The following MFHAS1 variants were observed in gnomAD, a reference collection of about 807,000 sequenced individuals.
MFHAS1 encodes malignant fibrous histiocytoma-amplified sequence 1.
In MFHAS1, 50 loss-of-function variants were observed where a neutral mutation model predicts 70.4. The ratio of observed to expected loss-of-function variants is 0.71; its 90% CI spans 0.57 to 0.90. The LOEUF is 0.90. Ranked by LOEUF, MFHAS1 falls within the 40% of genes least tolerant of loss-of-function variation. The pLI is 0.00. For missense variants in MFHAS1, 1,795 were observed against 1,347.6 expected (o/e 1.33, Z -5.20); for synonymous variants, 952 against 620.0 (o/e 1.54, Z -7.96).
intron 1 of MFHAS1, among the ~76,000 whole-genome samples, chr8:8,871,730 C>A (rs1019749460): frequency 6.6e-6 from 1 of 152,200 alleles, no homozygotes; most frequent in Admixed American, 6.5e-5. Flanking sequence ...TCCAGGCCCC[C>A]GACTTCCTAA....
intron 1 of MFHAS1, 118 bp from the exon 2 acceptor site, chr8:8,797,609 G>A (rs993182836): frequency 3.5e-5 from 40 of 1,145,760 alleles, no homozygotes; most frequent in Non-Finnish European, 4.5e-5. Context: ...GTGAAGCAAC[G>A]AAGGATGTGA....
chr8:8,833,002 T>G (rs542972642), intron 1 of MFHAS1, among the ~76,000 whole-genome samples: 1 of 152,090 alleles, frequency 6.6e-6, no homozygotes, highest in Non-Finnish European at 1.5e-5. Flanking sequence ...CATCTGCTTC[T>G]AGGAGGGCCT....
chr8:8,890,710 G>A lies in MFHAS1; in HGVS notation c.2349C>T (p.Thr783=). 6.2e-7 allele frequency: 1 copy of A among 1,613,666 alleles called. No homozygotes were observed. ...AGCCCTCCACATACTGATGGAGCTG[G>A]GTGGCCCGGAGCAGTTCCTGGCTGG... ...STPSQELLRA[T]QLHQYVEGFL... is the part of the protein sequence containing the mutation. The change falls in exon 1 of 3, where the codon ACC becomes ACT. Residue 783 remains threonine, a synonymous_variant. Transcript: ENST00000276282.
intron 1 of MFHAS1, among the ~76,000 whole-genome samples, chr8:8,819,235 C>T (rs1397244667): frequency 1.3e-5 from 2 of 152,212 alleles, no homozygotes; most frequent in East Asian, 3.8e-4. Flanking sequence ...TCTCTCCCTA[C>T]TCATTATATA....
chr8:8,808,607 T>G (rs1052998664), intron 1 of MFHAS1, among the ~76,000 whole-genome samples: 3 of 152,170 alleles, frequency 2.0e-5, no homozygotes, highest in Non-Finnish European at 4.4e-5. Flanking sequence ...GAATGAATAT[T>G]CTGTGAAACT....
rs1808321040 is a variant in MFHAS1, at chr8:8,853,501, C to G, written c.2998+36560G>C. On this transcript the variant is annotated intron_variant, in intron 1 of 2. Coordinates refer to ENST00000276282, the MANE Select transcript of MFHAS1 (RefSeq NM_004225.3). Reference sequence around the variant, plus strand: ...AAAAAAAAAAAAAAACCACACACAACTTAGATTGCTAGTGCCTGGCACGTA... The same window carrying G: ...AAAAAAAAAAAAAAACCACACACAAGTTAGATTGCTAGTGCCTGGCACGTA... Among the ~76,000 whole-genome samples the G allele has an allele frequency of 2.1e-5, 3 of 143,746 alleles. No individual in the cohort carries two copies. The Admixed American group carries it at 2.1e-4, about 10-fold the overall frequency. 94.3% of individuals were successfully genotyped at this position (143,746 alleles called of 152,430 possible).
intron 1 of MFHAS1, among the ~76,000 whole-genome samples, chr8:8,816,108 C>A (rs1021619146): frequency 2.0e-5 from 3 of 152,068 alleles, no homozygotes; most frequent in African/African-American, 7.2e-5. Context: ...ACAATGCAAG[C>A]TAAGCTGGAG....
At chr8:8,802,350 C>T (rs925953813) in intron 1 of MFHAS1, among the ~76,000 whole-genome samples, 2 of 152,208 alleles carry the variant, frequency 1.3e-5, no homozygotes, top group East Asian at 1.9e-4. Flanking sequence ...GTAACACATA[C>T]ACGAAACATA....
At chr8:8,869,793 C>T (rs566807446) in intron 1 of MFHAS1, among the ~76,000 whole-genome samples, 16 of 152,206 alleles carry the variant, frequency 1.1e-4, no homozygotes, top group Non-Finnish European at 1.3e-4. Context: ...ATGAGGAAAC[C>T]GGAGCCTGGG....
chr8:8,880,173 C>T (rs569931687), intron 1 of MFHAS1, among the ~76,000 whole-genome samples: 22 of 152,300 alleles, frequency 1.4e-4, no homozygotes, highest in South Asian at 2.1e-4. Flanking sequence ...ATCAACATGG[C>T]ATCTCCAGGC....
intron 1 of MFHAS1, among the ~76,000 whole-genome samples, chr8:8,832,680 G>C (rs1463736612): frequency 2.7e-5 from 4 of 147,744 alleles, no homozygotes; most frequent in South Asian, 2.1e-4. Flanking sequence ...CCAGGCTGGA[G>C]TGTGGTGGCT....
At chr8:8,790,342 C>T (rs1805680627) in intron 2 of MFHAS1, 1 of 983,586 alleles carries the variant, frequency 1.0e-6, no homozygotes, top group Non-Finnish European at 1.2e-6. Context: ...ATTGGTGCTC[C>T]TAAAGTCACA....
At chr8:8,821,223 T>C (rs1806944003) in intron 1 of MFHAS1, among the ~76,000 whole-genome samples, 1 of 152,206 alleles carries the variant, frequency 6.6e-6, no homozygotes, top group East Asian at 1.9e-4. Flanking sequence ...TAGCAGCTTC[T>C]GTGCAAAGCT....
Position 8,784,773 on chromosome 8 carries a change from A to C in MFHAS1, c.*1249T>G, listed in dbSNP as rs912555041. 2.6e-5 allele frequency: 4 copies of C among 152,212 alleles called. No homozygotes were observed. 9.4% of individuals were successfully genotyped at this position (152,212 alleles called of 1,614,324 possible). On this transcript the variant is annotated 3_prime_UTR_variant, in exon 3 of 3. Transcript: ENST00000276282. ...AACAGAGTTTTTTACACTCTCCGAAAAACATGTTACTACTGTAGCATATGC... is the reference window on the plus strand; with the variant it reads ...AACAGAGTTTTTTACACTCTCCGAACAACATGTTACTACTGTAGCATATGC...
intron 1 of MFHAS1, among the ~76,000 whole-genome samples, chr8:8,832,774 A>C (rs1200430856): frequency 4.6e-5 from 7 of 152,008 alleles, no homozygotes; most frequent in African/African-American, 1.7e-4. Flanking sequence ...GACTACAGGC[A>C]CATGCCATTA....
chr8:8,891,854 G>T lies in MFHAS1; in HGVS notation c.1205C>A (p.Ser402Tyr). Residue 402 changes from serine to tyrosine, a missense_variant, in exon 1 of 3, where the codon TCC becomes TAC. By Grantham distance (144) the Ser-to-Tyr change is moderately radical. Coordinates refer to ENST00000276282, the MANE Select transcript of MFHAS1 (RefSeq NM_004225.3). The surrounding 1 kb of genome is among the most constrained non-coding windows in gnomAD (Gnocchi z 5.4). ...GAGCCGGGGCTGCACCGCCGGCTGG[G>T]AATGAGCCAGTTCCTTCTGGTAGGC... ...IAAYQKELAHSQPAVQPRLKL... is the reference protein window; with the variant it reads ...IAAYQKELAHYQPAVQPRLKL... The T allele has an allele frequency of 6.2e-7, 1 of 1,612,618 alleles. No individual in the cohort carries two copies. The highest frequency in any genetic ancestry group is 8.5e-7 in the Non-Finnish European group (1 of 1,179,608).
chr8:8,886,946 C>T (rs1490162002), intron 1 of MFHAS1, among the ~76,000 whole-genome samples: 2 of 152,036 alleles, frequency 1.3e-5, no homozygotes, highest in East Asian at 1.9e-4. Context: ...GCCAACCTGG[C>T]GAAACCCCCG....
chr8:8,788,623 G>A (rs906153811), intron 2 of MFHAS1, among the ~76,000 whole-genome samples: 3 of 152,230 alleles, frequency 2.0e-5, no homozygotes, highest in African/African-American at 7.2e-5. Flanking sequence ...AGGGTGCAGT[G>A]AACCAAGATT....
intron 1 of MFHAS1, among the ~76,000 whole-genome samples, chr8:8,842,455 G>C (rs1807868338): frequency 2.0e-5 from 3 of 152,258 alleles, no homozygotes; most frequent in African/African-American, 7.2e-5. Context: ...CAAAGTGCTG[G>C]GATTGTAATA....
Sources: gnomAD v4.1 joint callset for allele counts (sites outside exome capture counted in the v4.1 genomes callset) on GRCh38, gnomAD v4.1.1 for gene constraint, Gnocchi (gnomAD v3.1) non-coding constraint, MANE v1.5 for transcripts, NCBI Gene and HGNC (gene_info 2026-07-23, HGNC 2026-07-21) for gene names.